Variants in PCDHA9 observed in about 807,000 individuals in gnomAD.
PCDHA9 encodes the protein protocadherin alpha-9.
A neutral mutation model predicts 62.0 loss-of-function variants in PCDHA9; 62 were observed. The ratio of observed to expected loss-of-function variants is 1.00; its 90% CI spans 0.81 to 1.23. PCDHA9 has a LOEUF of 1.23. Ranked by LOEUF, PCDHA9 falls within the 50% of genes most tolerant of loss-of-function variation. The probability of loss-of-function intolerance (pLI) is 0.00; values close to 1 mark genes in which losing one functional copy is unlikely to be tolerated. For missense variants in PCDHA9, 1,205 were observed against 1,249.8 expected (o/e 0.96, Z 0.54); for synonymous variants, 557 against 567.6 (o/e 0.98, Z 0.27).
At position 140,882,346 on chromosome 5, in the gene PCDHA9, G is replaced by C. The variant is rs146510190; in HGVS notation, c.2394+31457G>C. 1,878 of 1,614,194 alleles carry C rather than the reference G, an allele frequency of 1.2e-3. 37 individuals are homozygous for C. In the South Asian group the frequency reaches 0.019, roughly 17 times the overall value. On this transcript the variant is annotated intron_variant, in intron 1 of 3. Transcript: ENST00000532602. ...TTCTGATCCTCGCAGCCTGGGAGAC[G>C]GGTAGTGGCCAGCTCCACTACTCCG...
intron 1 of PCDHA9, chr5:140,869,781 T>C (rs781934601): frequency 6.2e-7 from 1 of 1,612,992 alleles, no homozygotes; most frequent in South Asian, 1.1e-5. Context: ...CTGGCACCGT[T>C]CGGCTGTTAG....
intron 1 of PCDHA9, among the ~76,000 whole-genome samples, chr5:140,910,741 A>G (rs1349649150): frequency 1.3e-5 from 2 of 152,142 alleles, no homozygotes; most frequent in African/African-American, 2.4e-5. Flanking sequence ...AACCAAGCAC[A>G]TAAATTATCA....
At chr5:140,971,322 A>G (rs1344853773) in intron 1 of PCDHA9, among the ~76,000 whole-genome samples, 6 of 152,224 alleles carry the variant, frequency 3.9e-5, no homozygotes, top group Admixed American at 3.9e-4. Context: ...TCTAGGGAGA[A>G]AATTATTTCA....
intron 3 of PCDHA9, among the ~76,000 whole-genome samples, chr5:140,997,614 A>G (rs1355709943): frequency 6.6e-6 from 1 of 152,148 alleles, no homozygotes; most frequent in Admixed American, 6.6e-5. Context: ...GCATGACTAT[A>G]TAGAGATTTT....
intron 1 of PCDHA9, chr5:140,882,520 G>C (rs2059167404): frequency 6.2e-7 from 1 of 1,614,218 alleles, no homozygotes; most frequent in Admixed American, 1.7e-5. Context: ...ATGGCATTTT[G>C]TTTGTGAATT....
At chr5:140,861,696 G>C (rs2047025266) in intron 1 of PCDHA9, 1 of 223,632 alleles carries the variant, frequency 4.5e-6, no homozygotes, top group South Asian at 6.6e-5. Context: ...GAGGGTGTCT[G>C]TGATGCCGAC....
intron 3 of PCDHA9, among the ~76,000 whole-genome samples, chr5:140,989,765 C>G (rs2097359812): frequency 6.6e-6 from 1 of 152,286 alleles, no homozygotes. Context: ...ATATTCAGTT[C>G]AAGCACTGGC....
Position 140,884,327 on chromosome 5 carries a change from G to T in PCDHA9, c.2394+33438G>T, listed in dbSNP as rs1400364790. The T allele has an allele frequency of 5.6e-6, 9 of 1,613,894 alleles. No individual in the cohort carries two copies. In the African/African-American group the frequency reaches 9.3e-5, roughly 17 times the overall value. Reference sequence around the variant, plus strand: ...TTCGTCGAGGGCGTCGGCAGGCGCTGTGGGTCCAGAAGCGGCGCTGGTGGA... The same window carrying T: ...TTCGTCGAGGGCGTCGGCAGGCGCTTTGGGTCCAGAAGCGGCGCTGGTGGA... On this transcript the variant is annotated intron_variant, in intron 1 of 3. Coordinates refer to ENST00000532602, the MANE Select transcript of PCDHA9 (RefSeq NM_031857.2).
intron 1 of PCDHA9, among the ~76,000 whole-genome samples, chr5:140,921,271 A>C (rs1190111273): frequency 1.3e-5 from 2 of 152,142 alleles, no homozygotes; most frequent in East Asian, 1.9e-4. Flanking sequence ...TTTTATACTT[A>C]CTTGAAAAAA....
intron 1 of PCDHA9, among the ~76,000 whole-genome samples, chr5:140,888,046 A>G (rs2061675850): frequency 6.6e-6 from 1 of 152,214 alleles, no homozygotes; most frequent in South Asian, 2.1e-4. Flanking sequence ...CATGTATAAT[A>G]GATGTTTTAA....
At chr5:140,882,392 G>C (rs781850899) in intron 1 of PCDHA9, 4 of 1,614,178 alleles carry the variant, frequency 2.5e-6, no homozygotes, top group South Asian at 1.1e-5. Flanking sequence ...AGCAAAACAC[G>C]GCACCTTCGT....
In PCDHA9 at chr5:140,914,736, T is replaced by C. The variant is rs76155363; in HGVS notation, c.2394+63847T>C. Among the ~76,000 whole-genome samples, 1,216 of 152,300 alleles carry C rather than the reference T, an allele frequency of 8.0e-3. 6 individuals are homozygous for C. Among genetic ancestry groups the C allele is most frequent in the African/African-American group, 0.019 (785 of 41,570 alleles). On this transcript the variant is annotated intron_variant, in intron 1 of 3. Transcript: ENST00000532602. ...TTTTTTATTTTTTGTGTATCCATTG[T>C]ATGTTTTTCCATTTGAGGTTACATG...
intron 1 of PCDHA9, chr5:140,882,896 T>G (rs1554176010): frequency 6.2e-7 from 1 of 1,614,212 alleles, no homozygotes. Flanking sequence ...GGAACATAGT[T>G]TATTACTGAC....
At chr5:140,852,689 T>C (rs993759166) in intron 1 of PCDHA9, 1 of 972,400 alleles carries the variant, frequency 1.0e-6, no homozygotes, top group Non-Finnish European at 1.2e-6. Flanking sequence ...AATATAGTCT[T>C]ATACTTTCAA....
At chr5:140,926,752 C>G in intron 1 of PCDHA9, 2 of 1,254,462 alleles carry the variant, frequency 1.6e-6, no homozygotes, top group East Asian at 5.7e-5. Flanking sequence ...CGTCGGCGGT[C>G]GCTGAGTATC....
chr5:140,911,075 A>G (rs1554194593), intron 1 of PCDHA9, among the ~76,000 whole-genome samples: 1 of 152,076 alleles, frequency 6.6e-6, no homozygotes, highest in Admixed American at 6.6e-5. Context: ...GAGGAGAATC[A>G]ACATTATCTT....
chr5:140,982,308 A>T, intron 2 of PCDHA9, 167 bp from the exon 3 acceptor site: 1 of 1,269,286 alleles, frequency 7.9e-7, no homozygotes. Context: ...ATGCTTCTGC[A>T]GTTTATGCAG....
intron 3 of PCDHA9, among the ~76,000 whole-genome samples, chr5:140,991,449 A>G (rs1405447405): frequency 6.6e-6 from 1 of 152,206 alleles, no homozygotes; most frequent in East Asian, 1.9e-4. Flanking sequence ...GCTTAAAACA[A>G]CACAATGTAT....
chr5:140,971,263 C>T (rs1554233162), intron 1 of PCDHA9, among the ~76,000 whole-genome samples: 1 of 152,186 alleles, frequency 6.6e-6, no homozygotes, highest in African/African-American at 2.4e-5. Flanking sequence ...CTATTTCTGT[C>T]TTACACTGAC....
Sources: allele counts gnomAD v4.1 joint callset (sites outside exome capture counted in the v4.1 genomes callset), GRCh38; gene constraint gnomAD v4.1.1; transcripts MANE v1.5; gene names NCBI Gene and HGNC (gene_info 2026-07-23, HGNC 2026-07-21).